EIF4ENIF1: variants seen among roughly 807,000 people sequenced by gnomAD.
EIF4ENIF1 encodes eukaryotic translation initiation factor 4E nuclear import factor 1, also known as eukaryotic translation initiation factor 4E transporter.
In EIF4ENIF1, 23 loss-of-function variants were observed where a neutral mutation model predicts 110.5. The ratio of observed to expected loss-of-function variants is 0.21; its 90% CI spans 0.15 to 0.29. The LOEUF is 0.29. Ranked by LOEUF, EIF4ENIF1 falls within the 10% of genes least tolerant of loss-of-function variation. The pLI is 1.00. For synonymous variants in EIF4ENIF1, 440 were observed against 437.0 expected, an observed-to-expected ratio of 1.01 and a Z score of -0.09; for missense variants, 1,031 against 1,221.1, an observed-to-expected ratio of 0.84 and a Z score of 2.32.
At chr22:31,478,393 A>C (rs1358949094) in intron 2 of EIF4ENIF1, among the ~76,000 whole-genome samples, 1 of 151,744 alleles carries the variant, frequency 6.6e-6, no homozygotes, top group African/African-American at 2.4e-5. Flanking sequence ...GACACCTGAA[A>C]TCCCAGGTAC....
intron 4 of EIF4ENIF1, among the ~76,000 whole-genome samples, chr22:31,465,997 C>T (rs144274973): frequency 5.0e-3 from 759 of 152,272 alleles, no homozygotes; most frequent in Admixed American, 6.5e-3. Flanking sequence ...CAGATCAGTC[C>T]GGACACTATG....
intron 16 of EIF4ENIF1, 76 bp from the exon 17 acceptor site, chr22:31,442,194 C>A (rs1260675503): frequency 2.2e-5 from 25 of 1,156,980 alleles, no homozygotes; most frequent in Non-Finnish European, 3.0e-5. Context: ...TCTAATAAAT[C>A]TCATTTCTTA....
At chr22:31,461,758 A>G (rs1185894521) in intron 6 of EIF4ENIF1, 1 of 152,226 alleles carries the variant, frequency 6.6e-6, no homozygotes, top group African/African-American at 2.4e-5. Context: ...GAGAAGGCAA[A>G]TCACAAACAA....
rs372739068 is a variant in EIF4ENIF1 at position 31,442,831 on chromosome 22, G to C, written c.2206+131C>G. 80 of 1,227,532 alleles carry C rather than the reference G, an allele frequency of 6.5e-5. 3 individuals carry two copies. Among genetic ancestry groups the C allele is most frequent in the South Asian group, 6.2e-4 (41 of 66,654 alleles). The allele number at this position is 1,227,532 out of a possible 1,614,324, so 76.0% of individuals were successfully genotyped here. ...CACACAGAACCTTCTCACTGACACA[G>C]AACCATAGTCCAGAGAAGCTAGTGG... On this transcript the variant is annotated intron_variant, in intron 16 of 18. Coordinates refer to ENST00000330125, the MANE Select transcript of EIF4ENIF1 (RefSeq NM_019843.4).
chr22:31,482,121 CTG>C (rs1381853926), intron 2 of EIF4ENIF1, among the ~76,000 whole-genome samples: 1 of 150,568 alleles, frequency 6.6e-6, no homozygotes, highest in Non-Finnish European at 1.5e-5. Context: ...AGTGAGTTAA[CTG>C]TACCACTGCA....
rs1401119658 is a variant in EIF4ENIF1 at position 31,439,654 on chromosome 22, C to G, written c.*226G>C. 1.2e-5 allele frequency: 7 copies of G among 597,920 alleles called. No homozygotes were observed. The highest frequency in any genetic ancestry group is 1.7e-5 in the Non-Finnish European group (6 of 358,384). The allele number at this position is 597,920 out of a possible 1,614,324, so 37.0% of individuals were successfully genotyped here. ...ATCTTACAAAAAAGAAAGACCATTTCCAGGATTGACAACATTGTGCATCCT... is the reference window on the plus strand; with the variant it reads ...ATCTTACAAAAAAGAAAGACCATTTGCAGGATTGACAACATTGTGCATCCT... On this transcript the variant is annotated 3_prime_UTR_variant, in exon 19 of 19. Coordinates refer to ENST00000330125, the MANE Select transcript of EIF4ENIF1 (RefSeq NM_019843.4).
chr22:31,443,032 G>A lies in EIF4ENIF1; in HGVS notation c.2136C>T (p.Ser712=). The A allele has an allele frequency of 6.2e-7, 1 of 1,614,082 alleles. No homozygotes were observed. The highest frequency in any genetic ancestry group is 8.5e-7 in the Non-Finnish European group (1 of 1,180,024). Residue 712 remains serine (S), a synonymous_variant, in exon 16 of 19, where the codon AGC becomes AGT. Transcript: ENST00000330125. The stretch of plus-strand genomic sequence containing the variant: ...CTTTTCCAGATGCTGGCTCCTCCTT[G>A]CTTTTCTCTTTGCTCTCGTACATCT... ...IRKMYESKEK[S]KEEPASGKAA... is the part of the protein sequence containing the mutation.
In EIF4ENIF1 at chr22:31,450,434, G is replaced by A; in HGVS notation, c.1513-74C>T. Reference sequence around the variant, plus strand: ...CTTACAGATTGATTGGGGACCACAAGAAAGCATAAAATACTCCTAGGGAGT... The same window carrying A: ...CTTACAGATTGATTGGGGACCACAAAAAAGCATAAAATACTCCTAGGGAGT... On this transcript the variant is annotated intron_variant, in intron 10 of 18. Transcript: ENST00000330125. The A allele has an allele frequency of 2.4e-6, 3 of 1,247,962 alleles. No individual in the cohort carries two copies. In the Admixed American group the frequency reaches 5.2e-5, roughly 22 times the overall value. The allele number at this position is 1,247,962 out of a possible 1,614,324, so 77.3% of individuals were successfully genotyped here.
chr22:31,451,120 A>G (rs1457773345), intron 10 of EIF4ENIF1: 2 of 152,328 alleles, frequency 1.3e-5, no homozygotes, highest in African/African-American at 4.8e-5. Flanking sequence ...GGCTCAAGCA[A>G]TCCTCTGGCC....
chr22:31,487,103 C>G (rs1344815054), intron 2 of EIF4ENIF1, among the ~76,000 whole-genome samples: 1 of 151,868 alleles, frequency 6.6e-6, no homozygotes, highest in Non-Finnish European at 1.5e-5. Flanking sequence ...ATTTTCTTTT[C>G]CCTTCATTTG....
chr22:31,477,384 CA>C (rs1171079275), intron 2 of EIF4ENIF1, among the ~76,000 whole-genome samples: 1 of 55,780 alleles, frequency 1.8e-5, no homozygotes, highest in South Asian at 5.6e-4. Context: ...ACAAAAAAAA[CA>C]AAAAAAGAGA....
At chr22:31,484,915 A>T (rs1455741266) in intron 2 of EIF4ENIF1, among the ~76,000 whole-genome samples, 1 of 152,346 alleles carries the variant, frequency 6.6e-6, no homozygotes, top group East Asian at 1.9e-4. Context: ...ACATCATTAA[A>T]GTCTATTTAT....
intron 11 of EIF4ENIF1, 62 bp downstream of exon 11, chr22:31,450,227 A>G: frequency 7.0e-7 from 1 of 1,429,566 alleles, no homozygotes; most frequent in Non-Finnish European, 9.8e-7. Flanking sequence ...ACCACTAAGC[A>G]AAACTGGTTC....
At position 31,477,363 on chromosome 22, in the gene EIF4ENIF1, A is replaced by AC. The variant is rs1413375089; in HGVS notation, c.97-5447_97-5446insG. On this transcript the variant is annotated intron_variant, in intron 2 of 18. Coordinates refer to ENST00000330125, the MANE Select transcript of EIF4ENIF1 (RefSeq NM_019843.4). ...AGAACAAGACCTCTGTCTCCAAAAA[A>AC]AAAAAAAAAAACAAAAAAAACAAAA... is the stretch of plus-strand genomic sequence containing the variant. Among the ~76,000 whole-genome samples the AC allele has an allele frequency of 3.4e-5, 4 of 116,360 alleles. No individual in the cohort carries two copies. In the South Asian group the frequency reaches 1.1e-3, roughly 33 times the overall value. 76.3% of individuals were successfully genotyped at this position (116,360 alleles called of 152,430 possible).
chr22:31,486,283 A>T (rs984690389), intron 2 of EIF4ENIF1, among the ~76,000 whole-genome samples: 1 of 2,402 alleles, frequency 4.2e-4, no homozygotes, highest in Non-Finnish European at 1.1e-3. Flanking sequence ...AAAAAAAAAA[A>T]TAAAAATAAA....
chr22:31,448,375 CTG>C, intron 12 of EIF4ENIF1, 143 bp from the exon 13 acceptor site: 1 of 831,718 alleles, frequency 1.2e-6, no homozygotes, highest in South Asian at 1.6e-5. Flanking sequence ...CCCTCTCCCT[CTG>C]TGCCCCAACA....
intron 18 of EIF4ENIF1, 111 bp from the exon 19 acceptor site, chr22:31,440,232 G>A: frequency 1.3e-6 from 2 of 1,495,462 alleles, no homozygotes; most frequent in South Asian, 1.2e-5. Context: ...ATTTTTTCTA[G>A]GGCTTCTTTA....
At position 31,449,451 on chromosome 22, in the gene EIF4ENIF1, T is replaced by G; in HGVS notation, c.1665A>C (p.Thr555=). Residue 555 remains threonine, a synonymous_variant, in exon 12 of 19, where the codon ACA becomes ACC. Transcript: ENST00000330125. The part of the protein sequence containing the change: ...SGLMGSLEPT[T]SLLGQRAPSP... ...AGGGTGCTCTTTGGCCCAGTAAAGA[T>G]GTTGTAGGCTCCAAGCTCCCCATAA... 1.9e-6 allele frequency: 3 copies of G among 1,613,924 alleles called. No homozygotes were observed. Among genetic ancestry groups the G allele is most frequent in the Non-Finnish European group, 2.5e-6 (3 of 1,179,806 alleles).
rs754104881 is a variant in EIF4ENIF1 at position 31,454,384 on chromosome 22, G to C, written c.1280-8C>G. 6.2e-7 allele frequency: 1 copy of C among 1,612,452 alleles called. No homozygotes were observed. Among genetic ancestry groups the C allele is most frequent in the South Asian group, 1.1e-5 (1 of 91,006 alleles). On this transcript the variant is annotated splice_polypyrimidine_tract_variant and splice_region_variant and intron_variant, in intron 9 of 18. Coordinates refer to ENST00000330125, the MANE Select transcript of EIF4ENIF1 (RefSeq NM_019843.4). ...GCACAACCCCTGAATGTGCTGAGAAGTTGAGAACGTCCAGGTTAAATCAAG... is the reference window on the plus strand; with the variant it reads ...GCACAACCCCTGAATGTGCTGAGAACTTGAGAACGTCCAGGTTAAATCAAG...
Sources: allele counts gnomAD v4.1 joint callset (sites outside exome capture counted in the v4.1 genomes callset), GRCh38; gene constraint gnomAD v4.1.1; transcripts MANE v1.5; gene names NCBI Gene and HGNC (gene_info 2026-07-23, HGNC 2026-07-21).